The following DNAH11 variants were observed in gnomAD, a reference collection of about 807,000 sequenced individuals.
The protein encoded by DNAH11 is axonemal beta dynein heavy chain 11.
A neutral mutation model predicts 526.0 loss-of-function variants in DNAH11; 442 were observed. The ratio of observed to expected loss-of-function variants is 0.84; its 90% CI spans 0.78 to 0.91. The LOEUF is 0.91. DNAH11 is among the 40% of genes least tolerant of loss of function. The probability of loss-of-function intolerance (pLI) is 0.00; values close to 1 mark genes in which losing one functional copy is unlikely to be tolerated. For missense variants in DNAH11, 6,989 were observed against 5,448.7 expected, an observed-to-expected ratio of 1.28 and a Z score of -8.90; for synonymous variants, 2,461 against 1,935.9, an observed-to-expected ratio of 1.27 and a Z score of -7.12.
intron 28 of DNAH11, among the ~76,000 whole-genome samples, chr7:21,651,327 C>G (rs1281942397): frequency 2.0e-5 from 3 of 152,012 alleles, no homozygotes; most frequent in Non-Finnish European, 4.4e-5. Flanking sequence ...TAATTGTAAG[C>G]TGCCGTAATT....
intron 42 of DNAH11, among the ~76,000 whole-genome samples, chr7:21,713,369 G>A (rs551965125): frequency 6.6e-6 from 1 of 152,212 alleles, no homozygotes; most frequent in South Asian, 2.1e-4. Flanking sequence ...GAAGTGAGAG[G>A]GAGAGAGGAC....
intron 35 of DNAH11, among the ~76,000 whole-genome samples, chr7:21,697,457 T>A (rs1020787342): frequency 3.9e-5 from 6 of 152,202 alleles, no homozygotes; most frequent in African/African-American, 1.4e-4. Flanking sequence ...TAATGAAAAC[T>A]AAATTGTATC....
chr7:21,740,237 C>G (rs1785818618), intron 48 of DNAH11, among the ~76,000 whole-genome samples: 1 of 152,050 alleles, frequency 6.6e-6, no homozygotes, highest in Admixed American at 6.6e-5. Flanking sequence ...ATACATGTTA[C>G]AAAATTTACC....
chr7:21,757,802 GAC>G (rs1198417477), intron 54 of DNAH11, among the ~76,000 whole-genome samples: 1 of 152,176 alleles, frequency 6.6e-6, no homozygotes, highest in African/African-American at 2.4e-5. Context: ...CAGATTAACA[GAC>G]ACACACATGA....
chr7:21,887,412 G>A (rs747648132), intron 76 of DNAH11, among the ~76,000 whole-genome samples: 1 of 152,178 alleles, frequency 6.6e-6, no homozygotes, highest in African/African-American at 2.4e-5. Context: ...TCACCTTAAA[G>A]TTATCATATA....
intron 5 of DNAH11, among the ~76,000 whole-genome samples, chr7:21,563,445 C>G (rs1244028735): frequency 6.6e-6 from 1 of 152,112 alleles, no homozygotes; most frequent in Non-Finnish European, 1.5e-5. Context: ...CTAGACTCAA[C>G]TAATCCTTCC....
chr7:21,815,921 C>T (rs755506591), intron 63 of DNAH11, among the ~76,000 whole-genome samples: 6 of 152,106 alleles, frequency 3.9e-5, no homozygotes, highest in Non-Finnish European at 8.8e-5. Flanking sequence ...AGATAATTTC[C>T]TCTCAGCCTA....
intron 55 of DNAH11, 21 bp downstream of exon 55, chr7:21,765,610 T>TCTCACA (rs1554278823): frequency 1.1e-4 from 104 of 956,488 alleles, no homozygotes; most frequent in African/African-American, 1.1e-3. Flanking sequence ...TCAGCCTGCG[T>TCTCACA]CACACACACA....
intron 28 of DNAH11, among the ~76,000 whole-genome samples, chr7:21,655,323 T>G (rs144737605): frequency 6.6e-6 from 1 of 152,202 alleles, no homozygotes; most frequent in African/African-American, 2.4e-5. Context: ...CCTACTCATC[T>G]TTCTTATGTA....
At chr7:21,624,798 C>T (rs1020948719) in intron 25 of DNAH11, among the ~76,000 whole-genome samples, 2 of 152,046 alleles carry the variant, frequency 1.3e-5, no homozygotes, top group African/African-American at 4.8e-5. Context: ...TGCATATATT[C>T]AGATGTTCAT....
At chr7:21,886,655 G>A (rs993326795) in intron 76 of DNAH11, among the ~76,000 whole-genome samples, 1 of 141,376 alleles carries the variant, frequency 7.1e-6, no homozygotes, top group Non-Finnish European at 1.6e-5. Context: ...CAAGGGGCCC[G>A]CGAGGAGCTC....
chr7:21,550,826 C>T (rs1782995084), intron 2 of DNAH11, among the ~76,000 whole-genome samples: 1 of 152,124 alleles, frequency 6.6e-6, no homozygotes, highest in Non-Finnish European at 1.5e-5. Flanking sequence ...TTCCACCCAG[C>T]CAGAAAGGTG....
chr7:21,859,670 T>G (rs1782980790), intron 68 of DNAH11, among the ~76,000 whole-genome samples: 1 of 152,178 alleles, frequency 6.6e-6, no homozygotes, highest in African/African-American at 2.4e-5. Context: ...CTGGTCCCTA[T>G]CATCCAAAAA....
chr7:21,851,484 G>A (rs1445502873), intron 66 of DNAH11: 11 of 464,868 alleles, frequency 2.4e-5, no homozygotes, highest in Non-Finnish European at 3.6e-5. Flanking sequence ...CTTGTGGGCA[G>A]GCTTTGGTTA....
At chr7:21,692,649 A>T (rs963781078) in intron 35 of DNAH11, among the ~76,000 whole-genome samples, 4 of 152,224 alleles carry the variant, frequency 2.6e-5, no homozygotes, top group African/African-American at 9.7e-5. Context: ...TGCGATGTTT[A>T]CATGAACATA....
intron 75 of DNAH11, among the ~76,000 whole-genome samples, chr7:21,881,095 C>G (rs1783908661): frequency 1.3e-5 from 2 of 152,020 alleles, no homozygotes; most frequent in South Asian, 2.1e-4. Flanking sequence ...TGAGATAGGT[C>G]AAACCAGTTC....
At position 21,718,111 on chromosome 7, in the gene DNAH11, A is replaced by C. The variant is rs73275610; in HGVS notation, c.7134+186A>C. 0.019 allele frequency among the ~76,000 whole-genome samples: 2,590 copies of C among 138,976 alleles called. 78 individuals carry two copies. Among genetic ancestry groups the C allele is most frequent in the African/African-American group, 0.068 (2,450 of 35,902 alleles). The allele number at this position is 138,976 out of a possible 152,430, so 91.2% of individuals were successfully genotyped here. A position where few individuals can be genotyped will look rare whatever the true frequency, so the allele number is the denominator to read the frequency against. On this transcript the variant is annotated intron_variant, in intron 43 of 81. Coordinates refer to ENST00000409508, the MANE Select transcript of DNAH11 (RefSeq NM_001277115.2). ...CTGGATCTTTTTGCAAACCTCTATC[A>C]CATTCTGTTAGTGTTTAAGTTTGTG... is the stretch of plus-strand genomic sequence containing the variant.
chr7:21,898,699 C>G (rs1278037085), intron 79 of DNAH11, among the ~76,000 whole-genome samples: 3 of 152,226 alleles, frequency 2.0e-5, no homozygotes, highest in African/African-American at 7.2e-5. Context: ...ACTGCAAATA[C>G]TTCCTACCTT....
chr7:21,835,378 A>G (rs953624293), intron 65 of DNAH11, among the ~76,000 whole-genome samples: 3 of 152,270 alleles, frequency 2.0e-5, no homozygotes, highest in African/African-American at 4.8e-5. Context: ...AATAAAACCA[A>G]TCAAAATTCA....
Sources: gnomAD v4.1 joint callset for allele counts (sites outside exome capture counted in the v4.1 genomes callset) on GRCh38, gnomAD v4.1.1 for gene constraint, MANE v1.5 for transcripts, NCBI Gene and HGNC (gene_info 2026-07-23, HGNC 2026-07-21) for gene names.